Variants in NOSTRIN observed in about 807,000 individuals in gnomAD.
NOSTRIN encodes nitric oxide synthase trafficking, also known as BM247 homolog.
A neutral mutation model predicts 59.0 loss-of-function variants in NOSTRIN; 63 were observed. The ratio of observed to expected loss-of-function variants is 1.07; its 90% CI spans 0.87 to 1.32. The LOEUF (loss-of-function observed/expected upper bound fraction) is 1.32. Among genes scored for constraint, NOSTRIN ranks in the 40% most tolerant of loss-of-function variants. The probability of loss-of-function intolerance (pLI) is 0.00; values close to 1 mark genes in which losing one functional copy is unlikely to be tolerated. For missense variants in NOSTRIN, 512 were observed against 473.1 expected (o/e 1.08, Z -0.76); for synonymous variants, 200 against 165.4 (o/e 1.21, Z -1.61).
At chr2:168,857,052 T>G (rs1165593010) in intron 12 of NOSTRIN, among the ~76,000 whole-genome samples, 2 of 151,224 alleles carry the variant, frequency 1.3e-5, no homozygotes, top group Non-Finnish European at 2.9e-5. Context: ...CTAGAAACCA[T>G]GTGCACTTTA....
At chr2:168,794,396 G>T (rs4109426), upstream of NOSTRIN, among the ~76,000 whole-genome samples, 4 of 150,118 alleles carry the variant, frequency 2.7e-5, no homozygotes, top group East Asian at 2.0e-4. Context: ...CTGTTGCCCA[G>T]GCTGGAGTGC....
chr2:168,794,886 C>T (rs1685443062), upstream of NOSTRIN, among the ~76,000 whole-genome samples: 1 of 152,236 alleles, frequency 6.6e-6, no homozygotes, highest in African/African-American at 2.4e-5. Flanking sequence ...TGCCACTGCA[C>T]CTGGCTCTTA....
At chr2:168,813,961 G>A (rs534373757) in intron 2 of NOSTRIN, among the ~76,000 whole-genome samples, 3 of 152,114 alleles carry the variant, frequency 2.0e-5, no homozygotes, top group South Asian at 2.1e-4. Context: ...GTACATTTGC[G>A]GTGTCTCCTC....
At chr2:168,860,947 A>G (rs1431232747) in intron 14 of NOSTRIN, 38 bp downstream of exon 14, 1 of 1,318,076 alleles carries the variant, frequency 7.6e-7, no homozygotes, top group South Asian at 1.2e-5. Flanking sequence ...CCTGGGTCCT[A>G]CTGGCAGGGC....
chr2:168,854,350 G>A (rs375569185), intron 10 of NOSTRIN, among the ~76,000 whole-genome samples: 2 of 152,108 alleles, frequency 1.3e-5, no homozygotes, highest in South Asian at 2.1e-4. Flanking sequence ...CCTTATCAGC[G>A]AAGCCTGCAT....
At chr2:168,821,406 C>CA (rs576729470) in intron 2 of NOSTRIN, among the ~76,000 whole-genome samples, 253 of 152,306 alleles carry the variant, frequency 1.7e-3, no homozygotes, top group African/African-American at 5.8e-3. Context: ...GAATTCCAAC[C>CA]AAGACCTGGT....
At chr2:168,855,485 C>A in intron 11 of NOSTRIN, 25 bp downstream of exon 11, 1 of 1,299,926 alleles carries the variant, frequency 7.7e-7, no homozygotes, top group Non-Finnish European at 1.1e-6. Flanking sequence ...CTTTGAATGG[C>A]CAGAAAAGGG....
chr2:168,853,182 A>G (rs1218383527), intron 10 of NOSTRIN, among the ~76,000 whole-genome samples: 1 of 152,210 alleles, frequency 6.6e-6, no homozygotes, highest in Non-Finnish European at 1.5e-5. Context: ...GTCTAAGAGA[A>G]AGGACTGTGT....
intron 1 of NOSTRIN, among the ~76,000 whole-genome samples, chr2:168,808,019 A>C (rs16855919): frequency 0.034 from 5,207 of 152,286 alleles, 287 homozygotes; most frequent in African/African-American, 0.12. Flanking sequence ...TTGAGTTTTC[A>C]ATCACTGGCT....
Position 168,824,021 on chromosome 2 carries a change from G to A in NOSTRIN, c.114-613G>A, listed in dbSNP as rs184335060. Among the ~76,000 whole-genome samples the A allele has an allele frequency of 5.9e-5, 9 of 152,302 alleles. No homozygotes were observed. The East Asian group carries it at 1.7e-3, about 29-fold the overall frequency. On this transcript the variant is annotated intron_variant, in intron 2 of 15. Transcript: ENST00000317647. ...ACCTGGGAGGTGGAGGTTACAGTGAGCCAAGATTGTGCCATTGCACTCCAG... is the reference window on the plus strand; with the variant it reads ...ACCTGGGAGGTGGAGGTTACAGTGAACCAAGATTGTGCCATTGCACTCCAG...
At position 168,789,946 on chromosome 2, in the gene NOSTRIN, C is replaced by T. The variant is rs116541559; in HGVS notation, c.-473+1898C>T. On this transcript the variant is annotated intron_variant, in intron 2 of 20. Transcript: ENST00000458381. ...CCACCTCACTGGGGCACCCACAGGC[C>T]GTGGGAAATATGATGCTTTCTTAAT... 8.3e-3 allele frequency among the ~76,000 whole-genome samples: 1,267 copies of T among 152,254 alleles called. 17 individuals are homozygous for T. Among genetic ancestry groups the T allele is most frequent in the African/African-American group, 0.029 (1,188 of 41,532 alleles).
chr2:168,865,378 T>G lies in NOSTRIN; in HGVS notation c.*408T>G, dbSNP rs1689804289. On this transcript the variant is annotated 3_prime_UTR_variant, in exon 16 of 16. Transcript: ENST00000317647. ...GTGGCAACAGAACACAGCAGGCCTATGAGGGGGTCAAGCAGAGCCTGGGAG... is the reference window on the plus strand; with the variant it reads ...GTGGCAACAGAACACAGCAGGCCTAGGAGGGGGTCAAGCAGAGCCTGGGAG... 1 of 161,314 alleles carries G rather than the reference T, an allele frequency of 6.2e-6. No individual in the cohort carries two copies. The highest frequency in any genetic ancestry group is 1.4e-5 in the Non-Finnish European group (1 of 73,766). 10.0% of individuals were successfully genotyped at this position (161,314 alleles called of 1,614,324 possible). A position where few individuals can be genotyped will look rare whatever the true frequency, so the allele number is the denominator to read the frequency against.
chr2:168,811,400 C>T (rs1393027512), intron 1 of NOSTRIN, 167 bp from the exon 2 acceptor site: 1 of 396,024 alleles, frequency 2.5e-6, no homozygotes, highest in Non-Finnish European at 4.5e-6. Context: ...GAGACTTCAT[C>T]TTTATTTTAA....
At chr2:168,806,379 A>G (rs1448252382) in intron 1 of NOSTRIN, among the ~76,000 whole-genome samples, 1 of 152,158 alleles carries the variant, frequency 6.6e-6, no homozygotes, top group Non-Finnish European at 1.5e-5. Flanking sequence ...AGGTGGGCCA[A>G]GCTTGATATA....
chr2:168,864,007 T>TTCAAGTGATTC (rs1466722607), intron 15 of NOSTRIN, among the ~76,000 whole-genome samples: 3 of 151,858 alleles, frequency 2.0e-5, no homozygotes, highest in Non-Finnish European at 4.4e-5. Context: ...GTCTCCTGGA[T>TTCAAGTGATTC]TCAAGTGATT....
rs1688190517 is a variant in NOSTRIN at position 168,842,994 on chromosome 2, C to T, written c.507C>T (p.Leu169=). 1.1e-6 allele frequency: 1 copy of T among 871,516 alleles called. No individual in the cohort carries two copies. The highest frequency in any genetic ancestry group is 2.0e-6 in the Non-Finnish European group (1 of 501,174). The allele number at this position is 871,516 out of a possible 1,614,324, so 54.0% of individuals were successfully genotyped here. A position where few individuals can be genotyped will look rare whatever the true frequency, so the allele number is the denominator to read the frequency against. Residue 169 remains leucine, a splice_region_variant and synonymous_variant, in exon 8 of 16, where the codon CTC becomes CTT. Transcript: ENST00000317647. Reference sequence around the variant, plus strand: ...GTGACATTGATGTTTTACATTAGCTCCTCAATAAACTGACAAAATCAACTG... The same window carrying T: ...GTGACATTGATGTTTTACATTAGCTTCTCAATAAACTGACAAAATCAACTG... ...QSMTEKEKRK[L]LNKLTKSTEK...
At chr2:168,841,256 AAAAAAG>A (rs1688086013) in intron 7 of NOSTRIN, among the ~76,000 whole-genome samples, 7 of 139,462 alleles carry the variant, frequency 5.0e-5, no homozygotes, top group African/African-American at 1.9e-4. Flanking sequence ...AAAAAAAAAA[AAAAAAG>A]AAAAGAAAAA....
At chr2:168,805,563 A>G (rs554422083) in intron 1 of NOSTRIN, among the ~76,000 whole-genome samples, 2 of 152,358 alleles carry the variant, frequency 1.3e-5, no homozygotes, top group Admixed American at 6.5e-5. Flanking sequence ...ATCACATAGA[A>G]ATCAAGGACA....
intron 15 of NOSTRIN, among the ~76,000 whole-genome samples, chr2:168,863,186 G>A (rs780456316): frequency 3.7e-4 from 57 of 152,250 alleles, no homozygotes; most frequent in Middle Eastern, 3.4e-3. Context: ...GAAACACGAC[G>A]TTGGAGCCTT....
Sources: allele counts gnomAD v4.1 joint callset (sites outside exome capture counted in the v4.1 genomes callset), GRCh38; gene constraint gnomAD v4.1.1; transcripts MANE v1.5; gene names NCBI Gene and HGNC (gene_info 2026-07-23, HGNC 2026-07-21).